Variants in PIEZO2 observed in about 807,000 individuals in gnomAD.
PIEZO2 encodes the protein piezo-type mechanosensitive ion channel component 2.
Under a neutral mutation model 337.3 loss-of-function variants are expected in PIEZO2, and 172 were observed. The ratio of observed to expected loss-of-function variants is 0.51; its 90% CI spans 0.45 to 0.58. The LOEUF is 0.58. PIEZO2 is among the 20% of genes least tolerant of loss of function. PIEZO2 has a pLI of 0.00. For missense variants in PIEZO2, 3,028 were observed against 3,391.3 expected, an observed-to-expected ratio of 0.89 and a Z score of 2.66; for synonymous variants, 1,251 against 1,228.5, an observed-to-expected ratio of 1.02 and a Z score of -0.38.
At chr18:11,049,661 T>C (rs527609778) in intron 2 of PIEZO2, among the ~76,000 whole-genome samples, 1 of 152,312 alleles carries the variant, frequency 6.6e-6, no homozygotes, top group African/African-American at 2.4e-5. Flanking sequence ...GTTTCCCCCA[T>C]ACTGTTCTCA....
chr18:10,734,499 A>G (rs2036918320), intron 35 of PIEZO2, among the ~76,000 whole-genome samples: 1 of 152,266 alleles, frequency 6.6e-6, no homozygotes, highest in East Asian at 1.9e-4. Context: ...GGTGAGGGAC[A>G]TACAGAGCAA....
chr18:11,062,277 T>TA (rs1361124084), intron 2 of PIEZO2, among the ~76,000 whole-genome samples: 2 of 152,014 alleles, frequency 1.3e-5, no homozygotes, highest in African/African-American at 4.8e-5. Context: ...ATTAAAGACT[T>TA]AAATGTTAGA....
rs1244758328 is a variant in PIEZO2 at position 10,707,141 on chromosome 18, G to C, written c.5588+1134C>G. Among the ~76,000 whole-genome samples, 1 of 152,124 alleles carries C rather than the reference G, an allele frequency of 6.6e-6. No homozygotes were observed. The highest frequency in any genetic ancestry group is 1.9e-4 in the East Asian group (1 of 5,180). On this transcript the variant is annotated intron_variant, in intron 40 of 55. Transcript: ENST00000674853. The surrounding 1 kb of genome is among the most constrained non-coding windows in gnomAD (Gnocchi z 4.2). Reference sequence around the variant, plus strand: ...CCAGCCCAAAACAGATTTTTGCTAAGACTTACCTCAATTAGATATACTTCC... The same window carrying C: ...CCAGCCCAAAACAGATTTTTGCTAACACTTACCTCAATTAGATATACTTCC...
At chr18:10,905,010 A>G (rs1447017843) in intron 4 of PIEZO2, among the ~76,000 whole-genome samples, 2 of 152,252 alleles carry the variant, frequency 1.3e-5, no homozygotes, top group Admixed American at 6.5e-5. Flanking sequence ...TTCAAAGAAG[A>G]GAATAAATTA....
chr18:10,701,050 T>C (rs1180063921), intron 43 of PIEZO2, among the ~76,000 whole-genome samples: 1 of 152,216 alleles, frequency 6.6e-6, no homozygotes, highest in Non-Finnish European at 1.5e-5. Context: ...TACATATCTA[T>C]GTGTGCATGT....
chr18:11,009,272 A>G lies in PIEZO2; in HGVS notation c.161-29612T>C, dbSNP rs1053184306. On this transcript the variant is annotated intron_variant, in intron 2 of 55. Coordinates refer to ENST00000674853, the MANE Select transcript of PIEZO2 (RefSeq NM_001378183.1). This position sits in a 1 kb window ranked among gnomAD's most constrained non-coding sequence, Gnocchi z 4.6. Reference sequence around the variant, plus strand: ...TCTCTGAAGAGTGCTGGGCTTCACAAGCCCTGATGTGCATTGAAGCCCCTT... The same window carrying G: ...TCTCTGAAGAGTGCTGGGCTTCACAGGCCCTGATGTGCATTGAAGCCCCTT... Among the ~76,000 whole-genome samples, 1 of 152,224 alleles carries G rather than the reference A, an allele frequency of 6.6e-6. No individual in the cohort carries two copies. Among genetic ancestry groups the G allele is most frequent in the African/African-American group, 2.4e-5 (1 of 41,468 alleles).
intron 7 of PIEZO2, among the ~76,000 whole-genome samples, chr18:10,835,373 G>A (rs1446212410): frequency 6.6e-6 from 1 of 151,112 alleles, no homozygotes; most frequent in Non-Finnish European, 1.5e-5. Context: ...AAGAGTGTTT[G>A]TTGTCAAATA....
chr18:11,118,502 T>A (rs766034054), intron 1 of PIEZO2, among the ~76,000 whole-genome samples: 1 of 152,216 alleles, frequency 6.6e-6, no homozygotes, highest in Non-Finnish European at 1.5e-5. Flanking sequence ...ATCGATTGCA[T>A]CTAACCTTTG....
intron 53 of PIEZO2, among the ~76,000 whole-genome samples, chr18:10,675,619 T>C (rs1427710678): frequency 2.0e-5 from 3 of 152,224 alleles, no homozygotes; most frequent in Non-Finnish European, 4.4e-5. Context: ...CCTCCAATTC[T>C]TATCCATACC....
In PIEZO2 at chr18:10,861,978, A is replaced by G. The variant is rs2041886016; in HGVS notation, c.493-4767T>C. ...GGTCGCAGTGAGCCGAGATCACGCCACTGCACTCCAGCCTAGGTGACAGAA... is the reference window on the plus strand; with the variant it reads ...GGTCGCAGTGAGCCGAGATCACGCCGCTGCACTCCAGCCTAGGTGACAGAA... On this transcript the variant is annotated intron_variant, in intron 5 of 55. Coordinates refer to ENST00000674853, the MANE Select transcript of PIEZO2 (RefSeq NM_001378183.1). The surrounding 1 kb of genome is among the most constrained non-coding windows in gnomAD (Gnocchi z 4.3). 6.6e-6 allele frequency among the ~76,000 whole-genome samples: 1 copy of G among 152,136 alleles called. No individual in the cohort carries two copies. Among genetic ancestry groups the G allele is most frequent in the Non-Finnish European group, 1.5e-5 (1 of 68,030 alleles).
intron 2 of PIEZO2, among the ~76,000 whole-genome samples, chr18:11,044,642 A>G (rs1294302471): frequency 6.6e-6 from 1 of 152,230 alleles, no homozygotes; most frequent in East Asian, 1.9e-4. Context: ...GTGTCACTAC[A>G]AACCTAACCC....
At chr18:10,934,470 C>T (rs1470608869) in intron 3 of PIEZO2, among the ~76,000 whole-genome samples, 1 of 152,152 alleles carries the variant, frequency 6.6e-6, no homozygotes, top group Non-Finnish European at 1.5e-5. Flanking sequence ...TTTACAATAC[C>T]ACTCCCCCGC....
At position 10,859,778 on chromosome 18, in the gene PIEZO2, G is replaced by GCACA. The variant is rs1382869652; in HGVS notation, c.493-2571_493-2568dup. ...CTTCAACCACTCCGTCTAATGAGAGGCACACATGATTTGCTTTGCCACATA... is the reference window on the plus strand; with the variant it reads ...CTTCAACCACTCCGTCTAATGAGAGGCACACACACATGATTTGCTTTGCCACATA... On this transcript the variant is annotated intron_variant, in intron 5 of 55. Coordinates refer to ENST00000674853, the MANE Select transcript of PIEZO2 (RefSeq NM_001378183.1). This position sits in a 1 kb window ranked among gnomAD's most constrained non-coding sequence, Gnocchi z 4.9. 6.6e-6 allele frequency among the ~76,000 whole-genome samples: 1 copy of GCACA among 152,204 alleles called. No individual in the cohort carries two copies. Among genetic ancestry groups the GCACA allele is most frequent in the Non-Finnish European group, 1.5e-5 (1 of 68,038 alleles).
At chr18:10,796,852 A>G (rs2039616603) in intron 12 of PIEZO2, among the ~76,000 whole-genome samples, 1 of 152,186 alleles carries the variant, frequency 6.6e-6, no homozygotes, top group Non-Finnish European at 1.5e-5. Context: ...ATATCATATC[A>G]TACATACCAT....
Position 10,790,705 on chromosome 18 carries a change from CTT to C in PIEZO2, c.1882+494_1882+495del, listed in dbSNP as rs34016331. On this transcript the variant is annotated intron_variant, in intron 14 of 55. Coordinates refer to ENST00000674853, the MANE Select transcript of PIEZO2 (RefSeq NM_001378183.1). ...TCACCTTCGTGAGGATCAAATGGCA[CTT>C]TTTTTTTTTTTTTTTTGAGAGGGAG... Among the ~76,000 whole-genome samples, 283 of 127,850 alleles carry C rather than the reference CTT, an allele frequency of 2.2e-3. 2 individuals are homozygous for C. The South Asian group carries it at 0.039, about 18-fold the overall frequency. 83.9% of individuals were successfully genotyped at this position (127,850 alleles called of 152,430 possible).
chr18:11,030,096 T>G (rs942727493), intron 2 of PIEZO2, among the ~76,000 whole-genome samples: 1 of 152,204 alleles, frequency 6.6e-6, no homozygotes, highest in Non-Finnish European at 1.5e-5. Flanking sequence ...CTATGATCTT[T>G]CTAAAGAATT....
intron 1 of PIEZO2, among the ~76,000 whole-genome samples, chr18:11,117,096 A>T (rs897584637): frequency 2.0e-5 from 3 of 152,152 alleles, no homozygotes; most frequent in African/African-American, 7.2e-5. Flanking sequence ...ACAGAGCAAG[A>T]TTCTGTCCCC....
At chr18:10,736,572 A>C (rs535875018) in intron 34 of PIEZO2, 32 bp downstream of exon 34, 1 of 1,536,316 alleles carries the variant, frequency 6.5e-7, no homozygotes, top group African/African-American at 1.4e-5. Flanking sequence ...AGCTCTTCCA[A>C]CTAGCAAAGA....
chr18:10,713,912 A>C lies in PIEZO2; in HGVS notation c.5423+852T>G, dbSNP rs1598390034. On this transcript the variant is annotated intron_variant, in intron 39 of 55. Transcript: ENST00000674853. The surrounding 1 kb of genome is among the most constrained non-coding windows in gnomAD (Gnocchi z 4.5). ...TAGCTCTGTACAATTGTTATCAGCTATCTAGAACACTGTGATGCAAAGAAT... is the reference window on the plus strand; with the variant it reads ...TAGCTCTGTACAATTGTTATCAGCTCTCTAGAACACTGTGATGCAAAGAAT... Among the ~76,000 whole-genome samples, 1 of 151,178 alleles carries C rather than the reference A, an allele frequency of 6.6e-6. No individual in the cohort carries two copies. Among genetic ancestry groups the C allele is most frequent in the Non-Finnish European group, 1.5e-5 (1 of 67,996 alleles).
Sources: allele counts gnomAD v4.1 joint callset (sites outside exome capture counted in the v4.1 genomes callset), GRCh38; gene constraint gnomAD v4.1.1; non-coding constraint Gnocchi (gnomAD v3.1); transcripts MANE v1.5; gene names NCBI Gene and HGNC (gene_info 2026-07-23, HGNC 2026-07-21).